Variants in SZT2 observed in about 807,000 individuals in gnomAD.
SZT2 encodes KICSTOR complex protein SZT2.
SZT2 carries 216 observed loss-of-function variants against 404.2 expected under a neutral mutation model. The ratio of observed to expected loss-of-function variants is 0.53; its 90% CI spans 0.48 to 0.60. SZT2 has a LOEUF of 0.60. Among genes scored for constraint, SZT2 ranks in the 20% least tolerant of loss-of-function variants. The pLI is 0.00. For synonymous variants in SZT2, 1,693 were observed against 1,749.9 expected, an observed-to-expected ratio of 0.97 and a Z score of 0.81; for missense variants, 3,857 against 4,459.2, an observed-to-expected ratio of 0.86 and a Z score of 3.85.
chr1:43,424,710 G>A lies in SZT2; in HGVS notation c.2472-74G>A, dbSNP rs1324518152. 5 of 1,330,730 alleles carry A rather than the reference G, an allele frequency of 3.8e-6. No homozygotes were observed. In the East Asian group the frequency reaches 6.9e-5, roughly 18 times the overall value. 82.4% of individuals were successfully genotyped at this position (1,330,730 alleles called of 1,614,324 possible). Reference sequence around the variant, plus strand: ...GAGGACTGCTGGGAGGTGGGTGTATGTGGGGAGAGCTTGTAGTCTCAGTGT... The same window carrying A: ...GAGGACTGCTGGGAGGTGGGTGTATATGGGGAGAGCTTGTAGTCTCAGTGT... On this transcript the variant is annotated intron_variant, in intron 16 of 71. Transcript: ENST00000634258. This position sits in a 1 kb window ranked among gnomAD's most constrained non-coding sequence, Gnocchi z 4.1.
chr1:43,427,247 C>T, intron 24 of SZT2, 34 bp from the exon 25 acceptor site: 1 of 1,604,230 alleles, frequency 6.2e-7, no homozygotes, highest in Middle Eastern at 1.7e-4. Flanking sequence ...ACTGGCCCAC[C>T]AGGCAGCTCT....
At chr1:43,447,438 C>T (rs1655810816) in intron 66 of SZT2, 107 bp from the exon 67 acceptor site, 5 of 1,457,174 alleles carry the variant, frequency 3.4e-6, no homozygotes, top group Non-Finnish European at 4.6e-6. Flanking sequence ...AGCAGACCCA[C>T]TCTGCCTGCC....
At position 43,425,111 on chromosome 1, in the gene SZT2, A is replaced by C; in HGVS notation, c.2551-2A>C. ...GCCCAAGATCTCCCATTTTGCCCAC[A>C]GAATGAACCACCAGGGCAGGCTGCA... On this transcript the variant is annotated splice_acceptor_variant, in intron 17 of 71. Transcript: ENST00000634258. LOFTEE classifies it high-confidence loss of function. This position sits in a 1 kb window ranked among gnomAD's most constrained non-coding sequence, Gnocchi z 4.3. The C allele has an allele frequency of 6.2e-7, 1 of 1,614,200 alleles. No homozygotes were observed. The highest frequency in any genetic ancestry group is 8.5e-7 in the Non-Finnish European group (1 of 1,180,012).
rs924266060 is a variant in SZT2, at chr1:43,422,402, G to A, written c.1770-78G>A. The A allele has an allele frequency of 3.2e-5, 48 of 1,507,878 alleles. 1 individual carries two copies. The Middle Eastern group carries it at 1.1e-3, about 33-fold the overall frequency. 93.4% of individuals were successfully genotyped at this position (1,507,878 alleles called of 1,614,324 possible). ...CCATAACCTCAGGCAAGGCCTAGAA[G>A]AGAGTGATAGTAGTCTATTCCTTTT... is the stretch of plus-strand genomic sequence containing the variant. On this transcript the variant is annotated intron_variant, in intron 12 of 71. Coordinates refer to ENST00000634258, the MANE Select transcript of SZT2 (RefSeq NM_001365999.1).
Position 43,438,910 on chromosome 1 carries a change from T to A in SZT2, c.6628-19T>A. On this transcript the variant is annotated intron_variant, in intron 47 of 71. Transcript: ENST00000634258. The stretch of plus-strand genomic sequence containing the variant: ...GGAACTTCTGCATTCAGCTCTGCCC[T>A]CTTCTTCCCACTCTGCAGTTCATCC... 1 of 1,614,104 alleles carries A rather than the reference T, an allele frequency of 6.2e-7. No individual in the cohort carries two copies. The highest frequency in any genetic ancestry group is 1.7e-5 in the Admixed American group (1 of 60,006).
rs568706333 is a variant in SZT2, at chr1:43,425,333, T to C, written c.2645+126T>C. ...AAAGTCAGGGAGGGGGTGCGGTGTT[T>C]AGATGCTTCATCAGGCAGACGCTGG... On this transcript the variant is annotated intron_variant, in intron 18 of 71. Coordinates refer to ENST00000634258, the MANE Select transcript of SZT2 (RefSeq NM_001365999.1). The surrounding 1 kb of genome is among the most constrained non-coding windows in gnomAD (Gnocchi z 4.3). The C allele has an allele frequency of 2.0e-6, 3 of 1,508,044 alleles. No homozygotes were observed. The highest frequency in any genetic ancestry group is 2.3e-5 in the East Asian group (1 of 44,156). The allele number at this position is 1,508,044 out of a possible 1,614,324, so 93.4% of individuals were successfully genotyped here. A position where few individuals can be genotyped will look rare whatever the true frequency, so the allele number is the denominator to read the frequency against.
In SZT2 at chr1:43,446,434, G is replaced by T; in HGVS notation, c.9072+18G>T. ...ACTCACAGGTATGTGAATGAGCTGC[G>T]GGCACAGTCAGTGCACCCCAGTGTG... On this transcript the variant is annotated intron_variant, in intron 65 of 71. Coordinates refer to ENST00000634258, the MANE Select transcript of SZT2 (RefSeq NM_001365999.1). 8 of 1,614,146 alleles carry T rather than the reference G, an allele frequency of 5.0e-6. No individual in the cohort carries two copies. Among genetic ancestry groups the T allele is most frequent in the African/African-American group, 1.3e-5 (1 of 75,040 alleles).
chr1:43,427,702 G>C lies in SZT2; in HGVS notation c.3771G>C (p.Gln1257His), dbSNP rs1483357201. 1 of 1,613,890 alleles carries C rather than the reference G, an allele frequency of 6.2e-7. No homozygotes were observed. Among genetic ancestry groups the C allele is most frequent in the Non-Finnish European group, 8.5e-7 (1 of 1,180,022 alleles). ...TGAGGGAACAAATGGTTGGCATGCA[G>C]CCCCCTCAGGCGCCCCGAGACCTCA... Reference protein sequence around the residue: ...EALREQMVGMQPPQAPRDLIF... With the variant: ...EALREQMVGMHPPQAPRDLIF... Residue 1257 changes from glutamine to histidine, a missense_variant, in exon 26 of 72, where the codon CAG (glutamine) becomes CAC (histidine). Transcript: ENST00000634258.
chr1:43,404,719 C>T, intron 4 of SZT2, 169 bp downstream of exon 4: 1 of 649,034 alleles, frequency 1.5e-6, no homozygotes, highest in Non-Finnish European at 2.5e-6. Context: ...TGAGAAGAAC[C>T]AGTTCCTCTG....
chr1:43,404,845 T>G, intron 4 of SZT2: 2 of 269,312 alleles, frequency 7.4e-6, no homozygotes, highest in East Asian at 8.3e-5. Flanking sequence ...GTTTTCTCCA[T>G]TCCCCTCTTC....
chr1:43,449,764 C>G, intron 70 of SZT2: 2 of 426,734 alleles, frequency 4.7e-6, no homozygotes, highest in Non-Finnish European at 8.8e-6. Flanking sequence ...CAAGACAATC[C>G]CAGGGGTGGT....
At position 43,442,144 on chromosome 1, in the gene SZT2, C is replaced by G. The variant is rs750695008; in HGVS notation, c.7873+14C>G. 56 of 1,609,226 alleles carry G rather than the reference C, an allele frequency of 3.5e-5. No individual in the cohort carries two copies. The highest frequency in any genetic ancestry group is 4.6e-5 in the Non-Finnish European group (54 of 1,177,798). ...CAACACAGCAGGGTGAGGGCATGGC[C>G]CGGGGGGGCGGGGGGCGGGTAGGCT... On this transcript the variant is annotated intron_variant, in intron 56 of 71. Coordinates refer to ENST00000634258, the MANE Select transcript of SZT2 (RefSeq NM_001365999.1). The surrounding 1 kb of genome is among the most constrained non-coding windows in gnomAD (Gnocchi z 4.5).
At chr1:43,404,155 C>T (rs751438648) in intron 3 of SZT2, 14 of 544,922 alleles carry the variant, frequency 2.6e-5, no homozygotes, top group African/African-American at 5.7e-5. Flanking sequence ...TACAGTGAGC[C>T]GGGATCAGGC....
Position 43,431,904 on chromosome 1 carries a change from A to T in SZT2, c.5274+3A>T. On this transcript the variant is annotated splice_donor_region_variant and intron_variant, in intron 36 of 71. Coordinates refer to ENST00000634258, the MANE Select transcript of SZT2 (RefSeq NM_001365999.1). ...GTTCCCTCACACAATTCAAGGAGGT[A>T]AGTTGCCCTCCAAACACTGCAGGGT... is the stretch of plus-strand genomic sequence containing the variant. 1.2e-6 allele frequency: 2 copies of T among 1,614,014 alleles called. No individual in the cohort carries two copies. Among genetic ancestry groups the T allele is most frequent in the South Asian group, 2.2e-5 (2 of 91,078 alleles).
In SZT2 at chr1:43,450,051, C is replaced by A; in HGVS notation, c.10087-52C>A. ...CTCATCCTCCCTTCACCTCAGGATG[C>A]CCTGTGGGAGGGTCTGTAGGGTCTG... On this transcript the variant is annotated intron_variant, in intron 70 of 71. Transcript: ENST00000634258. This position sits in a 1 kb window ranked among gnomAD's most constrained non-coding sequence, Gnocchi z 4.3. The A allele has an allele frequency of 1.2e-6, 2 of 1,603,458 alleles. No individual in the cohort carries two copies. Among genetic ancestry groups the A allele is most frequent in the Middle Eastern group, 1.7e-4 (1 of 6,036 alleles).
In SZT2 at chr1:43,454,097, AAGAG is replaced by A. The variant is rs1169179921; in HGVS notation, c.*3622_*3625del. ...AGGGCCTGAGAGCCGGACGCGAAGCAAGAGAGAGCTGGCTGCCCGAGGGCCCGGT... is the reference window on the plus strand; with the variant it reads ...AGGGCCTGAGAGCCGGACGCGAAGCAAGAGCTGGCTGCCCGAGGGCCCGGT... On this transcript the variant is annotated 3_prime_UTR_variant, in exon 72 of 72. Coordinates refer to ENST00000634258, the MANE Select transcript of SZT2 (RefSeq NM_001365999.1). 1 of 1,085,206 alleles carries A rather than the reference AAGAG, an allele frequency of 9.2e-7. No individual in the cohort carries two copies. The highest frequency in any genetic ancestry group is 5.5e-5 in the East Asian group (1 of 18,052). 67.2% of individuals were successfully genotyped at this position (1,085,206 alleles called of 1,614,324 possible). A position where few individuals can be genotyped will look rare whatever the true frequency, so the allele number is the denominator to read the frequency against.
In SZT2 at chr1:43,432,438, A is replaced by T; in HGVS notation, c.5441A>T (p.Glu1814Val). 1 of 1,546,932 alleles carries T rather than the reference A, an allele frequency of 6.5e-7. No individual in the cohort carries two copies. The highest frequency in any genetic ancestry group is 8.7e-7 in the Non-Finnish European group (1 of 1,148,878). ...GACAGGGCTGAAGGCATCGAAGGGG[A>T]GGTGAGTCTCACCTGGGAATGGAGG... ...HEDRAEGIEG[E>V]TLTASPQAPG... The change falls in exon 37 of 72, where the codon GAG becomes GTG. Residue 1814 changes from glutamate (E) to valine (V), a missense_variant and splice_region_variant. Coordinates refer to ENST00000634258, the MANE Select transcript of SZT2 (RefSeq NM_001365999.1).
Position 43,439,182 on chromosome 1 carries a change from G to GT in SZT2, c.6792+90dup. The GT allele has an allele frequency of 6.3e-7, 1 of 1,585,642 alleles. No homozygotes were observed. On this transcript the variant is annotated intron_variant, in intron 48 of 71. Transcript: ENST00000634258. The surrounding 1 kb of genome is among the most constrained non-coding windows in gnomAD (Gnocchi z 4.2). ...CTCTTTCCTACCGATACCCCTATAT[G>GT]TACCTTTGCCCATGGACCTGGGTAC... is the stretch of plus-strand genomic sequence containing the variant.
Position 43,442,294 on chromosome 1 carries a change from C to A in SZT2, c.7900C>A (p.Pro2634Thr), listed in dbSNP as rs763289414. ...TGCCAAAGCCATGCAGCGCTTCGAGCCAGGAGGTGATGGGAGCTCAGGGCG... is the reference window on the plus strand; with the variant it reads ...TGCCAAAGCCATGCAGCGCTTCGAGACAGGAGGTGATGGGAGCTCAGGGCG... Reference protein sequence around the residue: ...QAAKAMQRFEPGGDGSSGRNA... With the variant: ...QAAKAMQRFETGGDGSSGRNA... Residue 2634 changes from proline to threonine, a missense_variant, in exon 57 of 72, where the codon CCA becomes ACA. Coordinates refer to ENST00000634258, the MANE Select transcript of SZT2 (RefSeq NM_001365999.1). This position sits in a 1 kb window ranked among gnomAD's most constrained non-coding sequence, Gnocchi z 4.5. 5.0e-6 allele frequency: 8 copies of A among 1,613,998 alleles called. No homozygotes were observed. The highest frequency in any genetic ancestry group is 6.8e-6 in the Non-Finnish European group (8 of 1,179,946).
Sources: allele counts gnomAD v4.1 joint callset, GRCh38; gene constraint gnomAD v4.1.1; non-coding constraint Gnocchi (gnomAD v3.1); transcripts MANE v1.5; gene names NCBI Gene and HGNC (gene_info 2026-07-23, HGNC 2026-07-21).